PIK3C2G: variants seen among roughly 807,000 people sequenced by gnomAD.
PIK3C2G encodes phosphatidylinositol-4-phosphate 3-kinase catalytic subunit type 2 gamma.
PIK3C2G carries 168 observed loss-of-function variants against 181.1 expected under a neutral mutation model. The observed-to-expected ratio is 0.93, with a 90% CI of 0.82 to 1.05. The LOEUF is 1.05. PIK3C2G is among the 50% of genes least tolerant of loss of function. The probability of loss-of-function intolerance (pLI) is 0.00; values close to 1 mark genes in which losing one functional copy is unlikely to be tolerated. For synonymous variants in PIK3C2G, 573 were observed against 592.2 expected (o/e 0.97, Z 0.47); for missense variants, 1,869 against 1,732.8 (o/e 1.08, Z -1.40).
chr12:18,272,203 A>G (rs1201203883), intron 1 of PIK3C2G, among the ~76,000 whole-genome samples: 21 of 152,042 alleles, frequency 1.4e-4, no homozygotes, highest in Admixed American at 1.4e-3. Flanking sequence ...ATTTTTTTCT[A>G]GAAATTTACT....
chr12:18,504,746 T>C (rs1396583117), intron 23 of PIK3C2G, among the ~76,000 whole-genome samples: 3 of 152,208 alleles, frequency 2.0e-5, no homozygotes, highest in African/African-American at 7.2e-5. Context: ...CACACAGGCA[T>C]TCACTGATAT....
chr12:18,638,173 G>T (rs1264384277), intron 31 of PIK3C2G, among the ~76,000 whole-genome samples: 2 of 152,238 alleles, frequency 1.3e-5, no homozygotes, highest in East Asian at 1.9e-4. Context: ...TTTGAGTTTG[G>T]TTATAGGGCT....
the PIK3C2G span, among the ~76,000 whole-genome samples, chr12:18,700,573 T>C: frequency 6.8e-6 from 1 of 147,118 alleles, no homozygotes; most frequent in African/African-American, 2.5e-5. Context: ...TCCACTGGAT[T>C]TGAAGCTGAA....
At position 18,620,076 on chromosome 12, in the gene PIK3C2G, AT is replaced by A. The variant is rs34523483; in HGVS notation, c.4182+10450del. ...TTGTTTTATGTCCCAGGCATGACAC[AT>A]TTGGTAAATATCCCATGTCCAATTG... On this transcript the variant is annotated intron_variant, in intron 31 of 32. Coordinates refer to ENST00000538779, the MANE Select transcript of PIK3C2G (RefSeq NM_001288772.2). Among the ~76,000 whole-genome samples the A allele has an allele frequency of 6.9e-3, 1,045 of 152,246 alleles. 6 individuals are homozygous for A. The highest frequency in any genetic ancestry group is 9.1e-3 in the African/African-American group (376 of 41,540).
intron 3 of PIK3C2G, among the ~76,000 whole-genome samples, chr12:18,289,459 T>C (rs1051597907): frequency 3.3e-5 from 5 of 152,190 alleles, no homozygotes; most frequent in African/African-American, 9.6e-5. Context: ...TATTATATGA[T>C]AAATGCTAAC....
intron 18 of PIK3C2G, among the ~76,000 whole-genome samples, chr12:18,470,853 C>A (rs1938384849): frequency 6.6e-6 from 1 of 151,988 alleles, no homozygotes. Context: ...TTTCAAAAAT[C>A]AAAATTAAAT....
intron 24 of PIK3C2G, among the ~76,000 whole-genome samples, chr12:18,517,831 C>T (rs1942649125): frequency 6.6e-6 from 1 of 152,108 alleles, no homozygotes; most frequent in African/African-American, 2.4e-5. Context: ...GGAATGCTTC[C>T]AGCTTTTGCC....
At chr12:18,250,582 C>A (rs936961482) in intron 1 of PIK3C2G, among the ~76,000 whole-genome samples, 1 of 151,976 alleles carries the variant, frequency 6.6e-6, no homozygotes, top group African/African-American at 2.4e-5. Context: ...CATTAACATC[C>A]AAGTTAACTG....
intron 11 of PIK3C2G, among the ~76,000 whole-genome samples, chr12:18,351,766 G>A (rs1217344420): frequency 1.3e-5 from 2 of 152,148 alleles, no homozygotes; most frequent in East Asian, 1.9e-4. Context: ...ATAATACTTA[G>A]TGCAATGTAA....
At chr12:18,261,023 C>A (rs1948218863), upstream of PIK3C2G, among the ~76,000 whole-genome samples, 1 of 151,982 alleles carries the variant, frequency 6.6e-6, no homozygotes, top group Admixed American at 6.6e-5. Context: ...AAATTAATAT[C>A]TTTCTAAATT....
chr12:18,470,692 A>G (rs1030961571), intron 18 of PIK3C2G, among the ~76,000 whole-genome samples: 9 of 152,064 alleles, frequency 5.9e-5, no homozygotes, highest in African/African-American at 1.9e-4. Context: ...ACTGGTCCCC[A>G]AGTTCTGTAA....
At chr12:18,669,246 C>T in the PIK3C2G span, among the ~76,000 whole-genome samples, 1 of 152,134 alleles carries the variant, frequency 6.6e-6, no homozygotes, top group Non-Finnish European at 1.5e-5. Context: ...GACATGAAGT[C>T]AGGCAATCAA....
chr12:18,699,760 A>T, the PIK3C2G span: 1 of 1,589,634 alleles, frequency 6.3e-7, no homozygotes, highest in Non-Finnish European at 8.6e-7. Flanking sequence ...TAACTCATTT[A>T]AACATTTCAT....
chr12:18,272,367 T>A (rs942389967), intron 1 of PIK3C2G, among the ~76,000 whole-genome samples: 2 of 152,202 alleles, frequency 1.3e-5, no homozygotes, highest in African/African-American at 4.8e-5. Flanking sequence ...GACTTCTTCA[T>A]GGTAGTTTTG....
chr12:18,622,565 A>C (rs542117852), intron 31 of PIK3C2G, among the ~76,000 whole-genome samples: 3 of 152,026 alleles, frequency 2.0e-5, no homozygotes, highest in South Asian at 4.1e-4. Context: ...TATTTCATGT[A>C]AATGCCCAGA....
intron 26 of PIK3C2G, among the ~76,000 whole-genome samples, chr12:18,551,276 C>T (rs1011417338): frequency 1.3e-5 from 2 of 151,990 alleles, no homozygotes; most frequent in African/African-American, 4.8e-5. Context: ...CTGCAGAGAC[C>T]ACTGCTAGGC....
At chr12:18,336,204 T>C in intron 8 of PIK3C2G, among the ~76,000 whole-genome samples, 1 of 152,270 alleles carries the variant, frequency 6.6e-6, no homozygotes, top group Middle Eastern at 3.4e-3. Flanking sequence ...TCATATTTTA[T>C]CTAATTTAAT....
At chr12:18,256,135 G>T (rs1948144024) in intron 1 of PIK3C2G, among the ~76,000 whole-genome samples, 2 of 152,112 alleles carry the variant, frequency 1.3e-5, no homozygotes, top group Non-Finnish European at 2.9e-5. Flanking sequence ...TTGTAAGAAA[G>T]AACTAGAAAA....
intron 18 of PIK3C2G, among the ~76,000 whole-genome samples, chr12:18,473,670 G>C (rs866688997): frequency 1.8e-4 from 27 of 152,158 alleles, no homozygotes; most frequent in African/African-American, 5.8e-4. Context: ...AGTGCCTGCT[G>C]AATTGATTCT....
Sources: gnomAD v4.1 joint callset for allele counts (sites outside exome capture counted in the v4.1 genomes callset) on GRCh38, gnomAD v4.1.1 for gene constraint, MANE v1.5 for transcripts, NCBI Gene and HGNC (gene_info 2026-07-23, HGNC 2026-07-21) for gene names.